Variants in PLEKHJ1 observed in about 807,000 individuals in gnomAD.
PLEKHJ1 encodes the protein pleckstrin homology domain-containing family J member 1.
Under a neutral mutation model 21.7 loss-of-function variants are expected in PLEKHJ1, and 20 were observed. The observed-to-expected ratio is 0.92, with a 90% CI of 0.65 to 1.34. The LOEUF is 1.34. PLEKHJ1 is among the 40% of genes most tolerant of loss of function. The pLI, the probability that PLEKHJ1 is intolerant of heterozygous loss-of-function variation, is 0.00. For missense variants in PLEKHJ1, 241 were observed against 202.0 expected, an observed-to-expected ratio of 1.19 and a Z score of -1.17; for synonymous variants, 113 against 80.6, an observed-to-expected ratio of 1.40 and a Z score of -2.15.
downstream of PLEKHJ1, chr19:2,231,855 C>T (rs372317923): frequency 1.8e-4 from 39 of 219,854 alleles, 1 homozygote; most frequent in South Asian, 4.4e-3. Flanking sequence ...AGGGCTCCTG[C>T]CCACGCAGGC....
At position 2,235,808 on chromosome 19, in the gene PLEKHJ1, C is replaced by T; in HGVS notation, c.183G>A (p.Leu61=). The change falls in exon 3 of 6, where the codon CTG becomes CTA. Residue 61 remains leucine, a synonymous_variant. Transcript: ENST00000326631. The part of the protein sequence containing the change: ...DEAEPVGALL[L]ERCRVVREEP... ...CTTCCCGGACGACTCTGCAGCGCTCCAGCAGCAGGGCTCCGACGGGCTGGA... is the reference window on the plus strand; with the variant it reads ...CTTCCCGGACGACTCTGCAGCGCTCTAGCAGCAGGGCTCCGACGGGCTGGA... 4 of 1,552,286 alleles carry T rather than the reference C, an allele frequency of 2.6e-6. No homozygotes were observed. Among genetic ancestry groups the T allele is most frequent in the Non-Finnish European group, 2.6e-6 (3 of 1,148,192 alleles).
chr19:2,234,407 A>G, intron 3 of PLEKHJ1, 167 bp from the exon 4 acceptor site: 1 of 589,202 alleles, frequency 1.7e-6, no homozygotes, highest in East Asian at 2.8e-5. Flanking sequence ...CTTTGCATAT[A>G]AACTAGTCAA....
chr19:2,231,183 G>A (rs183006382), downstream of PLEKHJ1: 1 of 227,778 alleles, frequency 4.4e-6, no homozygotes, highest in Non-Finnish European at 8.7e-6. Context: ...GATGGGATCT[G>A]GGAGTCTGAG....
At chr19:2,230,158 C>T (rs1425607676), downstream of PLEKHJ1, 8 of 504,440 alleles carry the variant, frequency 1.6e-5, no homozygotes, top group East Asian at 3.3e-5. Flanking sequence ...CAGCCTGCCC[C>T]GGTGCTATCT....
intron 3 of PLEKHJ1, chr19:2,234,838 A>G (rs971599784): frequency 6.6e-5 from 10 of 152,402 alleles, no homozygotes; most frequent in South Asian, 4.1e-4. Context: ...CGTCTCTACT[A>G]AAAATACAAA....
At position 2,236,268 on chromosome 19, in the gene PLEKHJ1, A is replaced by G; in HGVS notation, c.-20T>C. On this transcript the variant is annotated 5_prime_UTR_variant, in exon 1 of 6. Transcript: ENST00000326631. Reference sequence around the variant, plus strand: ...CCGCATGGCTCCGCGGGGAACGGGAACCCGGGCCGCGCCCTCCCGGCCGCC... The same window carrying G: ...CCGCATGGCTCCGCGGGGAACGGGAGCCCGGGCCGCGCCCTCCCGGCCGCC... 2 of 1,343,910 alleles carry G rather than the reference A, an allele frequency of 1.5e-6. No homozygotes were observed. Among genetic ancestry groups the G allele is most frequent in the Non-Finnish European group, 9.6e-7 (1 of 1,044,732 alleles). 83.2% of individuals were successfully genotyped at this position (1,343,910 alleles called of 1,614,324 possible).
intron 3 of PLEKHJ1, chr19:2,234,487 G>T (rs967431376): frequency 3.8e-5 from 18 of 467,854 alleles, no homozygotes; most frequent in Non-Finnish European, 5.7e-5. Flanking sequence ...AAGGTGGGAG[G>T]ATTGCTTGAG....
rs767376986 is a variant in PLEKHJ1 at position 2,234,138 on chromosome 19, G to GCCTGGCCCCA, written c.320+2_320+11dup. On this transcript the variant is annotated intron_variant, in intron 4 of 5. Transcript: ENST00000326631. ...GCCCACCCCAGCAGTGCCCACCACC[G>GCCTGGCCCCA]CCTGGCCCCACCTGGCCCGACGCAG... 5 of 1,612,076 alleles carry GCCTGGCCCCA rather than the reference G, an allele frequency of 3.1e-6. No individual in the cohort carries two copies. Among genetic ancestry groups the GCCTGGCCCCA allele is most frequent in the South Asian group, 2.2e-5 (2 of 91,070 alleles).
chr19:2,235,700 G>C (rs1270953652), intron 3 of PLEKHJ1, 62 bp downstream of exon 3: 28 of 1,458,852 alleles, frequency 1.9e-5, no homozygotes, highest in Non-Finnish European at 2.6e-5. Flanking sequence ...GGAGGGGAAA[G>C]TGCGGCGCTG....
chr19:2,232,099 T>C (rs2024624710), downstream of PLEKHJ1: 1 of 216,570 alleles, frequency 4.6e-6, no homozygotes, highest in South Asian at 1.8e-4. Context: ...TGGAGCCTGG[T>C]GCTGGCACCT....
chr19:2,230,623 G>A (rs1300190574), downstream of PLEKHJ1: 7 of 398,536 alleles, frequency 1.8e-5, no homozygotes, highest in East Asian at 2.5e-4. Context: ...CTGTACAGGA[G>A]AGAGTCACAC....
At chr19:2,234,489 T>C (rs866877941) in intron 3 of PLEKHJ1, 12 of 461,714 alleles carry the variant, frequency 2.6e-5, no homozygotes, top group African/African-American at 2.0e-4. Flanking sequence ...GGTGGGAGGA[T>C]TGCTTGAGCT....
chr19:2,232,256 G>A (rs573497778), downstream of PLEKHJ1: 4 of 217,726 alleles, frequency 1.8e-5, no homozygotes, highest in South Asian at 1.8e-4. Flanking sequence ...CATGAGGCAC[G>A]CACAGTGACT....
chr19:2,233,867 C>A lies in PLEKHJ1; in HGVS notation c.423G>T (p.Arg141Ser). Residue 141 changes from arginine to serine, a missense_variant, in exon 6 of 6, where the codon AGG (arginine) becomes AGT (serine). Coordinates refer to ENST00000326631, the MANE Select transcript of PLEKHJ1 (RefSeq NM_018049.3). ...LEQFGISEEARFQLSGLQA is the reference protein window; with the variant it reads ...LEQFGISEEASFQLSGLQA The stretch of plus-strand genomic sequence containing the variant: ...ACGCCTGCAAGCCACTCAGCTGGAA[C>A]CTGGCCTCCTCGGATATGCCGAACT... 6.2e-7 allele frequency: 1 copy of A among 1,611,946 alleles called. No individual in the cohort carries two copies. Among genetic ancestry groups the A allele is most frequent in the South Asian group, 1.1e-5 (1 of 91,046 alleles).
chr19:2,231,235 C>T (rs1242609672), downstream of PLEKHJ1: 1 of 227,854 alleles, frequency 4.4e-6, no homozygotes, highest in South Asian at 1.8e-4. Flanking sequence ...CTTGCTGAGC[C>T]CACCTTCTCA....
chr19:2,235,939 C>T lies in PLEKHJ1; in HGVS notation c.146G>A (p.Arg49Gln), dbSNP rs959956035. The T allele has an allele frequency of 6.2e-6, 10 of 1,610,196 alleles. No individual in the cohort carries two copies. The highest frequency in any genetic ancestry group is 1.1e-5 in the South Asian group (1 of 90,876). The change falls in exon 2 of 6, where the codon CGG becomes CAG. Residue 49 changes from arginine (R) to glutamine (Q), a missense_variant. Transcript: ENST00000326631. Reference sequence around the variant, plus strand: ...CGCCCCTACCTCGGCCTCGTCTGTCCGAAAGTAGAAGAGGAAATTCACCAC... The same window carrying T: ...CGCCCCTACCTCGGCCTCGTCTGTCTGAAAGTAGAAGAGGAAATTCACCAC... ...KLVVNFLFYFRTDEAEPVGAL... is the reference protein window; with the variant it reads ...KLVVNFLFYFQTDEAEPVGAL...
At chr19:2,230,030 C>T (rs1196590568), downstream of PLEKHJ1, 6 of 663,332 alleles carry the variant, frequency 9.0e-6, no homozygotes, top group African/African-American at 3.6e-5. Flanking sequence ...ACAATTCTGA[C>T]TTATTTTATT....
At chr19:2,236,109 G>A (rs1306831170) in intron 1 of PLEKHJ1, 46 bp downstream of exon 1, 16 of 1,347,398 alleles carry the variant, frequency 1.2e-5, no homozygotes, top group Non-Finnish European at 1.5e-5. Context: ...CCCCGGCCCC[G>A]GCCTCCCGCC....
rs1417245759 is a variant in PLEKHJ1, at chr19:2,233,855, A to G, written c.435T>C (p.Ser145=). 1.2e-6 allele frequency: 2 copies of G among 1,610,900 alleles called. No homozygotes were observed. The highest frequency in any genetic ancestry group is 1.7e-6 in the Non-Finnish European group (2 of 1,179,504). Residue 145 remains serine (S), a synonymous_variant, in exon 6 of 6, where the codon AGT becomes AGC. Transcript: ENST00000326631. ...TGCCCTGCGCTCACGCCTGCAAGCC[A>G]CTCAGCTGGAACCTGGCCTCCTCGG... The part of the protein sequence containing the change: ...GISEEARFQL[S]GLQA
Sources: gnomAD v4.1 joint callset for allele counts on GRCh38, gnomAD v4.1.1 for gene constraint, MANE v1.5 for transcripts, NCBI Gene and HGNC (gene_info 2026-07-23, HGNC 2026-07-21) for gene names.